ARHGAP32: variants seen among roughly 807,000 people sequenced by gnomAD.
ARHGAP32 encodes the protein rho GTPase-activating protein 32.
In ARHGAP32, 51 loss-of-function variants were observed where a neutral mutation model predicts 186.5. The ratio of observed to expected loss-of-function variants is 0.27; its 90% CI spans 0.22 to 0.35. ARHGAP32 has a LOEUF of 0.35. Ranked by LOEUF, ARHGAP32 falls within the 10% of genes least tolerant of loss-of-function variation. The pLI, the probability that ARHGAP32 is intolerant of heterozygous loss-of-function variation, is 1.00. For synonymous variants in ARHGAP32, 950 were observed against 964.3 expected (o/e 0.99, Z 0.27); for missense variants, 2,186 against 2,623.5 (o/e 0.83, Z 3.64).
At chr11:128,993,230 A>T (rs1299439684) in intron 12 of ARHGAP32, 1 of 152,164 alleles carries the variant, frequency 6.6e-6, no homozygotes, top group Non-Finnish European at 1.5e-5. Flanking sequence ...TTTAAAAAAA[A>T]TTTTTATTTT....
At chr11:129,117,358 A>G (rs1942395418) in intron 5 of ARHGAP32, among the ~76,000 whole-genome samples, 1 of 152,074 alleles carries the variant, frequency 6.6e-6, no homozygotes, top group Non-Finnish European at 1.5e-5. Flanking sequence ...CAGACAAAAC[A>G]TTCAATAAAT....
Position 129,268,664 on chromosome 11 carries a change from CAAAAAAAAAAAAAAA to C in ARHGAP32, c.-5+10467_-5+10481del, listed in dbSNP as rs58858606. Among the ~76,000 whole-genome samples the C allele has an allele frequency of 1.7e-4, 8 of 46,380 alleles. 1 individual carries two copies. Among genetic ancestry groups the C allele is most frequent in the African/African-American group, 4.4e-4 (5 of 11,236 alleles). The allele number at this position is 46,380 out of a possible 152,430, so 30.4% of individuals were successfully genotyped here. ...GCTCTTTCGTTATTTGCCTCCTCAC[CAAAAAAAAAAAAAAA>C]AAAAAAAAAAAAAAAAGGTGAATTC... On this transcript the variant is annotated intron_variant, in intron 1 of 6. Transcript: ENST00000525234.
Position 129,124,839 on chromosome 11 carries a change from C to T in ARHGAP32, c.281G>A (p.Gly94Asp). 1 of 1,611,052 alleles carries T rather than the reference C, an allele frequency of 6.2e-7. No individual in the cohort carries two copies. Among genetic ancestry groups the T allele is most frequent in the Non-Finnish European group, 8.5e-7 (1 of 1,178,572 alleles). ...CTTAACCTTCATACTGGCTGTACTG[C>T]CACACGTCTTAAGAGTAAGATCTCC... ...IPGDLTLKTC[G>D]STASMKVKHV... The change falls in exon 3 of 23, where the codon GGC (glycine) becomes GAC (aspartate). Residue 94 changes from glycine (G) to aspartate (D), a missense_variant. This residue lies in a region of ARHGAP32 where 108 missense variants were observed against 116.8 expected (regional missense o/e 0.92). Coordinates refer to ENST00000682385, the MANE Select transcript of ARHGAP32 (RefSeq NM_001378024.1).
intron 1 of ARHGAP32, among the ~76,000 whole-genome samples, chr11:129,257,878 G>A (rs529210887): frequency 1.3e-5 from 2 of 152,060 alleles, no homozygotes; most frequent in East Asian, 3.9e-4. Flanking sequence ...CAAGTAATGT[G>A]GCATTTATCT....
chr11:129,026,805 A>AG (rs1555074974), intron 11 of ARHGAP32, among the ~76,000 whole-genome samples: 1 of 148,114 alleles, frequency 6.8e-6, no homozygotes, highest in African/African-American at 2.5e-5. Context: ...ATCTTGGAAA[A>AG]AAAAAAAAAA....
intron 1 of ARHGAP32, among the ~76,000 whole-genome samples, chr11:129,267,162 C>A (rs1326872424): frequency 6.6e-6 from 1 of 152,094 alleles, no homozygotes; most frequent in Non-Finnish European, 1.5e-5. Flanking sequence ...GAGTTCGAGA[C>A]CAACCTGGCC....
intron 1 of ARHGAP32, among the ~76,000 whole-genome samples, chr11:129,216,038 A>C (rs923581193): frequency 6.6e-6 from 1 of 152,138 alleles, no homozygotes; most frequent in Non-Finnish European, 1.5e-5. Context: ...GTCAGCAGCT[A>C]CCAGAAACAA....
intron 11 of ARHGAP32, among the ~76,000 whole-genome samples, chr11:129,031,513 T>C (rs577694768): frequency 2.6e-5 from 4 of 152,334 alleles, no homozygotes; most frequent in African/African-American, 9.6e-5. Context: ...CTAGTGTCAC[T>C]AGTGTCCATT....
At chr11:129,081,301 T>C (rs1013399177) in intron 6 of ARHGAP32, among the ~76,000 whole-genome samples, 1 of 151,180 alleles carries the variant, frequency 6.6e-6, no homozygotes, top group Non-Finnish European at 1.5e-5. Flanking sequence ...TAAGAAAAGA[T>C]ATAACAAAAA....
At chr11:129,158,785 A>G (rs1028674425) in intron 2 of ARHGAP32, among the ~76,000 whole-genome samples, 4 of 152,240 alleles carry the variant, frequency 2.6e-5, no homozygotes, top group Non-Finnish European at 5.9e-5. Flanking sequence ...TATCGCATGT[A>G]TTCTAAAACT....
intron 2 of ARHGAP32, among the ~76,000 whole-genome samples, chr11:129,151,503 A>G (rs1943288305): frequency 6.6e-6 from 1 of 152,218 alleles, no homozygotes. Flanking sequence ...AGAAAAATCT[A>G]AATTATATCA....
chr11:129,267,967 C>CG (rs1945425854), intron 1 of ARHGAP32, among the ~76,000 whole-genome samples: 1 of 152,024 alleles, frequency 6.6e-6, no homozygotes, highest in Non-Finnish European at 1.5e-5. Context: ...CCCCCACCCA[C>CG]GGAAGGCATT....
intron 12 of ARHGAP32, among the ~76,000 whole-genome samples, chr11:128,990,213 G>A (rs557671752): frequency 3.9e-5 from 6 of 152,200 alleles, no homozygotes; most frequent in Middle Eastern, 3.4e-3. Context: ...ACTCTTTAGC[G>A]AGCCTTCATT....
chr11:128,969,415 C>T lies in ARHGAP32; in HGVS notation c.5798G>A (p.Ser1933Asn), dbSNP rs1945294650. ...KGIPDTSEPV[S>N]YHNSGVKYAA... is the part of the protein sequence containing the mutation. The stretch of plus-strand genomic sequence containing the variant: ...ATATTTTACTCCAGAGTTGTGGTAG[C>T]TGACTGGCTCAGAAGTGTCTGGAAT... Residue 1933 changes from serine (S) to asparagine (N), a missense_variant, in exon 23 of 23, where the codon AGC (serine) becomes AAC (asparagine). Ser to Asn is a conservative substitution (Grantham distance 46). Transcript: ENST00000682385. The surrounding 1 kb of genome is among the most constrained non-coding windows in gnomAD (Gnocchi z 4.8). 6.2e-7 allele frequency: 1 copy of T among 1,614,212 alleles called. No homozygotes were observed. The highest frequency in any genetic ancestry group is 1.7e-5 in the Admixed American group (1 of 60,020).
chr11:129,151,039 T>C (rs770391269), intron 2 of ARHGAP32, among the ~76,000 whole-genome samples: 2 of 151,746 alleles, frequency 1.3e-5, no homozygotes, highest in Non-Finnish European at 2.9e-5. Context: ...GAAAAGATAT[T>C]CCACACAGAT....
At chr11:129,203,910 T>C (rs1944486457) in intron 1 of ARHGAP32, among the ~76,000 whole-genome samples, 1 of 148,076 alleles carries the variant, frequency 6.8e-6, no homozygotes, top group Non-Finnish European at 1.5e-5. Context: ...AAAAATTGCA[T>C]ATATATATAA....
intron 1 of ARHGAP32, among the ~76,000 whole-genome samples, chr11:129,164,879 C>A (rs1314292974): frequency 1.3e-5 from 2 of 152,106 alleles, no homozygotes; most frequent in African/African-American, 4.8e-5. Context: ...ATGAGAACAA[C>A]TATGAATGTT....
At chr11:129,108,079 C>A (rs1942099851) in intron 5 of ARHGAP32, among the ~76,000 whole-genome samples, 1 of 151,912 alleles carries the variant, frequency 6.6e-6, no homozygotes. Flanking sequence ...AAGGCAGTAA[C>A]AGCAAAAATG....
At chr11:129,252,155 T>G (rs1419341503) in intron 1 of ARHGAP32, among the ~76,000 whole-genome samples, 1 of 152,214 alleles carries the variant, frequency 6.6e-6, no homozygotes, top group African/African-American at 2.4e-5. Context: ...AGTATACTTG[T>G]ATCGTCTTTA....
Sources: gnomAD v4.1 joint callset for allele counts (sites outside exome capture counted in the v4.1 genomes callset) on GRCh38, gnomAD v4.1.1 for gene constraint, gnomAD v4.1.1 regional missense constraint, Gnocchi (gnomAD v3.1) non-coding constraint, MANE v1.5 for transcripts, NCBI Gene and HGNC (gene_info 2026-07-23, HGNC 2026-07-21) for gene names.